Variants in PKNOX1 observed in about 807,000 individuals in gnomAD.
PKNOX1 encodes homeobox protein PKNOX1.
PKNOX1 carries 15 observed loss-of-function variants against 51.9 expected under a neutral mutation model. That is an observed-to-expected ratio of 0.29 (90% CI 0.19 to 0.45). The LOEUF (loss-of-function observed/expected upper bound fraction) is 0.45, where lower values mean the gene tolerates loss of function less well. Among genes scored for constraint, PKNOX1 ranks in the 20% least tolerant of loss-of-function variants. The pLI is 1.00. For synonymous variants in PKNOX1, 219 were observed against 211.1 expected (o/e 1.04, Z -0.32); for missense variants, 462 against 547.5 (o/e 0.84, Z 1.56).
intron 1 of PKNOX1, among the ~76,000 whole-genome samples, chr21:42,981,422 T>C (rs1017499157): frequency 7.2e-5 from 11 of 152,224 alleles, no homozygotes; most frequent in African/African-American, 2.7e-4. Context: ...TAGAAGGCAG[T>C]GTGGTAATTC....
intron 1 of PKNOX1, among the ~76,000 whole-genome samples, chr21:42,988,099 G>A (rs993138345): frequency 6.6e-6 from 1 of 151,588 alleles, no homozygotes; most frequent in Non-Finnish European, 1.5e-5. Flanking sequence ...TGTCACCCAG[G>A]CTGGAGTGCA....
rs550635308 is a variant in PKNOX1 at position 42,993,764 on chromosome 21, G to A, written c.-56-10562G>A. Among the ~76,000 whole-genome samples, 593 of 127,338 alleles carry A rather than the reference G, an allele frequency of 4.7e-3. 5 individuals are homozygous for A. The highest frequency in any genetic ancestry group is 7.6e-3 in the Non-Finnish European group (489 of 64,030). 83.5% of individuals were successfully genotyped at this position (127,338 alleles called of 152,430 possible). On this transcript the variant is annotated intron_variant, in intron 1 of 10. Transcript: ENST00000291547. ...TTTTTTTTTTTTGAAACAGAGTCTC[G>A]TTCTGTTGCCTGGCCTGGAGTGCAG...
At chr21:42,975,702 G>A (rs1568883701) in intron 1 of PKNOX1, among the ~76,000 whole-genome samples, 1 of 152,224 alleles carries the variant, frequency 6.6e-6, no homozygotes, top group Non-Finnish European at 1.5e-5. Context: ...CCTGAGGTCG[G>A]GCCCAGGGCA....
chr21:43,008,693 C>A (rs919251027), intron 3 of PKNOX1, among the ~76,000 whole-genome samples: 1 of 151,992 alleles, frequency 6.6e-6, no homozygotes. Context: ...GTGGGAGAAT[C>A]ACTTGAACCC....
At chr21:43,009,844 C>G (rs540704195) in intron 3 of PKNOX1, among the ~76,000 whole-genome samples, 1 of 152,038 alleles carries the variant, frequency 6.6e-6, no homozygotes, top group African/African-American at 2.4e-5. Flanking sequence ...GGTTTCTTTG[C>G]GGGGATCATG....
At chr21:43,002,504 C>T (rs557742733) in intron 1 of PKNOX1, among the ~76,000 whole-genome samples, 9 of 150,822 alleles carry the variant, frequency 6.0e-5, no homozygotes, top group South Asian at 2.1e-4. Context: ...TCCAGAATGA[C>T]GCTGTTGAGG....
chr21:42,993,157 C>G (rs1194858191), intron 1 of PKNOX1, among the ~76,000 whole-genome samples: 1 of 152,116 alleles, frequency 6.6e-6, no homozygotes, highest in African/African-American at 2.4e-5. Flanking sequence ...ACAAAGACCT[C>G]GTGTCTCGAT....
In PKNOX1 at chr21:43,033,168, A is replaced by G. The variant is rs373477; in HGVS notation, c.*3067A>G. 36,708 of 151,848 alleles carry G rather than the reference A, an allele frequency of 0.24. 4,755 individuals are homozygous for G. Among genetic ancestry groups the G allele is most frequent in the Non-Finnish European group, 0.29 (19,812 of 67,874 alleles). 9.4% of individuals were successfully genotyped at this position (151,848 alleles called of 1,614,324 possible). A position where few individuals can be genotyped will look rare whatever the true frequency, so the allele number is the denominator to read the frequency against. ...CTGTGCTGGGTTCCAGCTCGCTCCCACCGAGGGACTAGCTTGGCCTTTGCG... is the reference window on the plus strand; with the variant it reads ...CTGTGCTGGGTTCCAGCTCGCTCCCGCCGAGGGACTAGCTTGGCCTTTGCG... On this transcript the variant is annotated 3_prime_UTR_variant, in exon 11 of 11. Coordinates refer to ENST00000291547, the MANE Select transcript of PKNOX1 (RefSeq NM_004571.5).
At chr21:43,016,851 A>C (rs1290343894) in intron 5 of PKNOX1, 57 bp from the exon 6 acceptor site, 2 of 1,166,580 alleles carry the variant, frequency 1.7e-6, no homozygotes, top group East Asian at 4.8e-5. Context: ...TTAAAGTTTT[A>C]AACATGGGTT....
At position 43,007,635 on chromosome 21, in the gene PKNOX1, C is replaced by T. The variant is rs750891387; in HGVS notation, c.179+17C>T. 2.5e-5 allele frequency: 40 copies of T among 1,613,728 alleles called. No individual in the cohort carries two copies. The highest frequency in any genetic ancestry group is 2.2e-5 in the East Asian group (1 of 44,892). On this transcript the variant is annotated intron_variant, in intron 3 of 10. Transcript: ENST00000291547. ...CATTTATAGGTAGTGCCCGGGGTGC[C>T]GGCTGTGGGGGCCTCAGAGGAGTGA...
At chr21:42,991,063 T>G (rs939677371) in intron 1 of PKNOX1, among the ~76,000 whole-genome samples, 1 of 152,170 alleles carries the variant, frequency 6.6e-6, no homozygotes, top group Non-Finnish European at 1.5e-5. Context: ...TTCTTTCAGC[T>G]TCAAATATTC....
At chr21:42,998,313 A>AACT (rs917259297) in intron 1 of PKNOX1, among the ~76,000 whole-genome samples, 10 of 152,128 alleles carry the variant, frequency 6.6e-5, no homozygotes, top group Non-Finnish European at 1.5e-4. Flanking sequence ...CCCATGATTC[A>AACT]ACTACCTCCC....
chr21:43,013,698 G>A (rs751206146), intron 5 of PKNOX1, among the ~76,000 whole-genome samples: 1 of 151,866 alleles, frequency 6.6e-6, no homozygotes, highest in East Asian at 1.9e-4. Context: ...CACTCATTCC[G>A]GATTCCCCCT....
intron 1 of PKNOX1, among the ~76,000 whole-genome samples, chr21:42,986,149 G>A (rs1022611084): frequency 6.6e-6 from 1 of 152,082 alleles, no homozygotes; most frequent in African/African-American, 2.4e-5. Flanking sequence ...CAGGATTTAC[G>A]ATCTATGATT....
chr21:43,000,088 A>G (rs1978683817), intron 1 of PKNOX1, among the ~76,000 whole-genome samples: 1 of 152,020 alleles, frequency 6.6e-6, no homozygotes, highest in Non-Finnish European at 1.5e-5. Flanking sequence ...TATAATTATC[A>G]GCATTTTTGT....
At chr21:42,997,983 A>C (rs1044464953) in intron 1 of PKNOX1, among the ~76,000 whole-genome samples, 3 of 152,218 alleles carry the variant, frequency 2.0e-5, no homozygotes, top group Admixed American at 2.0e-4. Flanking sequence ...TCACATGATC[A>C]GATTTCCATT....
chr21:43,011,965 G>C (rs1319920945), intron 4 of PKNOX1, among the ~76,000 whole-genome samples: 1 of 152,154 alleles, frequency 6.6e-6, no homozygotes, highest in Non-Finnish European at 1.5e-5. Context: ...CCAGTGAGTA[G>C]AGCACAGGTG....
Position 42,982,731 on chromosome 21 carries a change from CA to C in PKNOX1, c.-57+8083del, listed in dbSNP as rs10658050. On this transcript the variant is annotated intron_variant, in intron 1 of 10. Coordinates refer to ENST00000291547, the MANE Select transcript of PKNOX1 (RefSeq NM_004571.5). ...GGGCAACAAGAGCGAAACTCCATCT[CA>C]AAAAAAAAAAAAAAAGTTTAATAAA... Among the ~76,000 whole-genome samples, 30 of 129,890 alleles carry C rather than the reference CA, an allele frequency of 2.3e-4. 1 individual carries two copies. Among genetic ancestry groups the C allele is most frequent in the East Asian group, 1.4e-3 (6 of 4,356 alleles). The allele number at this position is 129,890 out of a possible 152,430, so 85.2% of individuals were successfully genotyped here.
In PKNOX1 at chr21:43,029,915, C is replaced by T. The variant is rs545506493; in HGVS notation, c.1125C>T (p.Pro375=). The T allele has an allele frequency of 1.4e-5, 23 of 1,614,106 alleles. No homozygotes were observed. The highest frequency in any genetic ancestry group is 1.6e-4 in the Middle Eastern group (1 of 6,062). The part of the protein sequence containing the change: ...SEGAVVTITT[P]VNMNVDSLQS... ...GAGCTGTTGTCACCATCACCACGCCCGTGAACATGAACGTGGACAGCCTTC... is the reference window on the plus strand; with the variant it reads ...GAGCTGTTGTCACCATCACCACGCCTGTGAACATGAACGTGGACAGCCTTC... Residue 375 remains proline, a synonymous_variant, in exon 11 of 11, where the codon CCC becomes CCT. Transcript: ENST00000291547.
Sources: gnomAD v4.1 joint callset for allele counts (sites outside exome capture counted in the v4.1 genomes callset) on GRCh38, gnomAD v4.1.1 for gene constraint, MANE v1.5 for transcripts, NCBI Gene and HGNC (gene_info 2026-07-23, HGNC 2026-07-21) for gene names.